The following KATNBL1 variants were observed in gnomAD, a reference collection of about 807,000 sequenced individuals.
KATNBL1 encodes the protein katanin regulatory subunit B1 like 1, also known as KATNB1-like protein 1.
In KATNBL1, 28 loss-of-function variants were observed where a neutral mutation model predicts 44.7. The observed-to-expected ratio is 0.63, with a 90% CI of 0.46 to 0.86. KATNBL1 has a LOEUF of 0.86. Ranked by LOEUF, KATNBL1 falls within the 40% of genes least tolerant of loss-of-function variation. The pLI, the probability that KATNBL1 is intolerant of heterozygous loss-of-function variation, is 0.00. For synonymous variants in KATNBL1, 78 were observed against 114.9 expected (o/e 0.68, Z 2.06); for missense variants, 272 against 350.7 (o/e 0.78, Z 1.79).
Position 34,163,620 on chromosome 15 carries a change from A to C in KATNBL1, c.57T>G (p.Asp19Glu), listed in dbSNP as rs1165672109. 4 of 1,599,358 alleles carry C rather than the reference A, an allele frequency of 2.5e-6. No individual in the cohort carries two copies. The African/African-American group carries it at 5.4e-5, about 22-fold the overall frequency. Residue 19 changes from aspartate to glutamate, a missense_variant, in exon 2 of 10, where the codon GAT (aspartate) becomes GAG (glutamate). Physicochemically the swap from Asp to Glu is conservative, Grantham distance 45. Around this residue, in one of 3 missense-constraint regions of KATNBL1, gnomAD observed 122 missense variants for 125.0 expected, o/e 0.98. Coordinates refer to ENST00000256544, the MANE Select transcript of KATNBL1 (RefSeq NM_024713.3). ...KKRNFCNKIE[D>E]HFIDLPRKKI... ...TTTTTCTAGGAAGATCAATGAAATG[A>C]TCCTCAATCTTATTACAAAAGTTCC...
At position 34,166,636 on chromosome 15, in the gene KATNBL1, A is replaced by G. The variant is rs372263504; in HGVS notation, c.-14-2946T>C. ...CTGAGAATGGACAGACTGCCTCCTCAAGTGGGTCCTTGACCCCTGTGTAGC... is the reference window on the plus strand; with the variant it reads ...CTGAGAATGGACAGACTGCCTCCTCGAGTGGGTCCTTGACCCCTGTGTAGC... On this transcript the variant is annotated intron_variant, in intron 1 of 9. Transcript: ENST00000256544. 3.3e-5 allele frequency among the ~76,000 whole-genome samples: 5 copies of G among 152,346 alleles called. No individual in the cohort carries two copies. The South Asian group carries it at 1.0e-3, about 32-fold the overall frequency.
chr15:34,195,049 G>A (rs548857180), intron 1 of KATNBL1, among the ~76,000 whole-genome samples: 3 of 152,258 alleles, frequency 2.0e-5, no homozygotes, highest in Non-Finnish European at 4.4e-5. Context: ...ATTTCTCAAA[G>A]AACTAAAAAC....
chr15:34,170,200 A>G (rs920065954), intron 1 of KATNBL1, among the ~76,000 whole-genome samples: 1 of 152,250 alleles, frequency 6.6e-6, no homozygotes, highest in Non-Finnish European at 1.5e-5. Context: ...CCATCATCTC[A>G]GCCCAAAATC....
At chr15:34,188,327 G>A (rs1040992951) in intron 1 of KATNBL1, among the ~76,000 whole-genome samples, 5 of 150,958 alleles carry the variant, frequency 3.3e-5, no homozygotes, top group African/African-American at 1.2e-4. Flanking sequence ...AGGTTGAGGC[G>A]GACAGATCAG....
intron 1 of KATNBL1, among the ~76,000 whole-genome samples, chr15:34,201,577 G>C (rs1203364648): frequency 6.6e-6 from 1 of 152,146 alleles, no homozygotes; most frequent in Non-Finnish European, 1.5e-5. Flanking sequence ...GAATCTTTGG[G>C]AAGACTTAGG....
chr15:34,172,066 G>A (rs1163615563), intron 1 of KATNBL1, among the ~76,000 whole-genome samples: 1 of 151,700 alleles, frequency 6.6e-6, no homozygotes, highest in Non-Finnish European at 1.5e-5. Flanking sequence ...ATGTACCCTG[G>A]CACTTAAAGA....
At chr15:34,171,915 A>T (rs1441144614) in intron 1 of KATNBL1, among the ~76,000 whole-genome samples, 1 of 137,594 alleles carries the variant, frequency 7.3e-6, no homozygotes, top group Non-Finnish European at 1.6e-5. Context: ...GGCGGGGAAC[A>T]TCACACACCA....
rs561574916 is a variant in KATNBL1 at position 34,159,221 on chromosome 15, G to C, written c.117+4339C>G. On this transcript the variant is annotated intron_variant, in intron 2 of 9. Coordinates refer to ENST00000256544, the MANE Select transcript of KATNBL1 (RefSeq NM_024713.3). ...ACATTTAGGCCACCCTCAGATTACA[G>C]GGTCAAGAATTTTTGACAAAAAGGC... Among the ~76,000 whole-genome samples the C allele has an allele frequency of 1.2e-4, 19 of 152,200 alleles. 2 individuals are homozygous for C. The South Asian group carries it at 3.7e-3, about 30-fold the overall frequency.
At position 34,153,016 on chromosome 15, in the gene KATNBL1, C is replaced by T. The variant is rs369840113; in HGVS notation, c.212G>A (p.Arg71His). Residue 71 changes from arginine to histidine, a missense_variant, in exon 4 of 10, where the codon CGC becomes CAC. Around this residue, in one of 3 missense-constraint regions of KATNBL1, gnomAD observed 122 missense variants for 125.0 expected, o/e 0.98. Coordinates refer to ENST00000256544, the MANE Select transcript of KATNBL1 (RefSeq NM_024713.3). ...SPDKLRKVIY[R>H]RKKVHHPFPN... ...AAAGGGATGATGAACTTTCTTTCTG[C>T]GATAGATCACTTTACGAAGTTTATC... is the stretch of plus-strand genomic sequence containing the variant. 25 of 1,613,160 alleles carry T rather than the reference C, an allele frequency of 1.5e-5. No homozygotes were observed. The highest frequency in any genetic ancestry group is 2.2e-5 in the East Asian group (1 of 44,880).
chr15:34,166,129 G>C (rs1046711972), intron 1 of KATNBL1: 1 of 152,280 alleles, frequency 6.6e-6, no homozygotes, highest in Non-Finnish European at 1.5e-5. Flanking sequence ...AAGCAGGGCA[G>C]GGTGTCACCT....
chr15:34,187,589 A>G (rs1218749868), intron 1 of KATNBL1, among the ~76,000 whole-genome samples: 1 of 152,186 alleles, frequency 6.6e-6, no homozygotes, highest in Admixed American at 6.5e-5. Flanking sequence ...TCCACCTAAC[A>G]TAAATCACAG....
intron 1 of KATNBL1, among the ~76,000 whole-genome samples, chr15:34,176,335 G>A (rs143175577): frequency 0.064 from 9,679 of 151,896 alleles, 362 homozygotes; most frequent in Middle Eastern, 0.1. Flanking sequence ...CCCAGATCAC[G>A]CCATTGCACT....
intron 2 of KATNBL1, among the ~76,000 whole-genome samples, chr15:34,155,190 C>T (rs1888602857): frequency 2.0e-5 from 3 of 152,170 alleles, no homozygotes; most frequent in Non-Finnish European, 4.4e-5. Context: ...TACTGACATA[C>T]TGGTTCCCAG....
chr15:34,151,234 C>A (rs558035325), intron 4 of KATNBL1, among the ~76,000 whole-genome samples: 2 of 152,122 alleles, frequency 1.3e-5, no homozygotes, highest in East Asian at 1.9e-4. Flanking sequence ...TTTTCCACAA[C>A]CTTGCCAGAA....
chr15:34,170,072 T>A (rs1049538355), intron 1 of KATNBL1, among the ~76,000 whole-genome samples: 1 of 152,158 alleles, frequency 6.6e-6, no homozygotes, highest in African/African-American at 2.4e-5. Context: ...CAACACAGTG[T>A]TGGAAGTTCT....
chr15:34,140,965 A>C lies in KATNBL1; in HGVS notation c.*1374T>G, dbSNP rs902510602. 3 of 152,202 alleles carry C rather than the reference A, an allele frequency of 2.0e-5. No homozygotes were observed. The highest frequency in any genetic ancestry group is 7.2e-5 in the African/African-American group (3 of 41,470). The allele number at this position is 152,202 out of a possible 1,614,324, so 9.4% of individuals were successfully genotyped here. On this transcript the variant is annotated 3_prime_UTR_variant, in exon 10 of 10. Transcript: ENST00000256544. ...AAGAAATCTGCTTGAGATTCGTATC[A>C]GTAGTCATTAAACGAATAAATGCTA...
chr15:34,187,332 T>C (rs1423111333), intron 1 of KATNBL1, among the ~76,000 whole-genome samples: 2 of 152,102 alleles, frequency 1.3e-5, no homozygotes, highest in Non-Finnish European at 2.9e-5. Context: ...AGAGAGGAGC[T>C]ACACACTCCT....
chr15:34,192,148 T>C (rs1484942346), intron 1 of KATNBL1, among the ~76,000 whole-genome samples: 1 of 151,410 alleles, frequency 6.6e-6, no homozygotes, highest in Admixed American at 6.6e-5. Flanking sequence ...CTCAAGCCTG[T>C]AATCCCAGCA....
chr15:34,204,506 C>G (rs1890244849), intron 1 of KATNBL1, among the ~76,000 whole-genome samples: 1 of 152,156 alleles, frequency 6.6e-6, no homozygotes, highest in South Asian at 2.1e-4. Context: ...ATACAGAGAA[C>G]CCATGGATGC....
Sources: gnomAD v4.1 joint callset for allele counts (sites outside exome capture counted in the v4.1 genomes callset) on GRCh38, gnomAD v4.1.1 for gene constraint, gnomAD v4.1.1 regional missense constraint, MANE v1.5 for transcripts, NCBI Gene and HGNC (gene_info 2026-07-23, HGNC 2026-07-21) for gene names.